The following LITAF variants were observed in gnomAD, a reference collection of about 807,000 sequenced individuals.
LITAF encodes the protein lipopolysaccharide-induced tumor necrosis factor-alpha factor.
Under a neutral mutation model 14.5 loss-of-function variants are expected in LITAF, and 9 were observed. That is an observed-to-expected ratio of 0.62 (90% confidence interval 0.37 to 1.08). The LOEUF (loss-of-function observed/expected upper bound fraction) is 1.08, where lower values mean the gene tolerates loss of function less well. LITAF is among the 50% of genes least tolerant of loss of function. The pLI is 0.01. For missense variants in LITAF, 206 were observed against 213.4 expected, an observed-to-expected ratio of 0.97 and a Z score of 0.22; for synonymous variants, 98 against 88.2, an observed-to-expected ratio of 1.11 and a Z score of -0.62.
intron 1 of LITAF, among the ~76,000 whole-genome samples, chr16:11,565,152 G>A (rs2064431330): frequency 6.7e-6 from 1 of 150,138 alleles, no homozygotes; most frequent in African/African-American, 2.5e-5. Flanking sequence ...GCACAATCTT[G>A]GCTCGCTGCA....
intron 3 of LITAF, among the ~76,000 whole-genome samples, chr16:11,628,324 A>G (rs2065096958): frequency 6.6e-6 from 1 of 152,158 alleles, no homozygotes; most frequent in South Asian, 2.1e-4. Flanking sequence ...TTTCTCTTCC[A>G]GCTAAGAGTC....
chr16:11,590,217 C>T (rs574641328), upstream of LITAF, among the ~76,000 whole-genome samples: 2 of 114,516 alleles, frequency 1.7e-5, no homozygotes, highest in East Asian at 3.0e-4. Context: ...CTGAAAACTA[C>T]AAAACATTGC....
At chr16:11,601,491 T>G (rs1219857581), upstream of LITAF, among the ~76,000 whole-genome samples, 2 of 152,210 alleles carry the variant, frequency 1.3e-5, no homozygotes, top group Non-Finnish European at 2.9e-5. Context: ...ACCAAGAATA[T>G]CCTCTTTATA....
At chr16:11,573,023 G>A (rs2064570290) in intron 1 of LITAF, among the ~76,000 whole-genome samples, 1 of 150,654 alleles carries the variant, frequency 6.6e-6, no homozygotes, top group South Asian at 2.1e-4. Context: ...CCGCCTCCCA[G>A]GTTCAAGCAA....
At position 11,549,782 on chromosome 16, in the gene LITAF, A is replaced by G. The variant is rs1567233460; in HGVS notation, c.378-37T>C. The G allele has an allele frequency of 2.0e-6, 3 of 1,519,984 alleles. No individual in the cohort carries two copies. Among genetic ancestry groups the G allele is most frequent in the Non-Finnish European group, 2.7e-6 (3 of 1,103,486 alleles). 94.2% of individuals were successfully genotyped at this position (1,519,984 alleles called of 1,614,324 possible). A position where few individuals can be genotyped will look rare whatever the true frequency, so the allele number is the denominator to read the frequency against. On this transcript the variant is annotated intron_variant, in intron 3 of 3. Coordinates refer to ENST00000622633, the MANE Select transcript of LITAF (RefSeq NM_001136472.2). The surrounding 1 kb of genome is among the most constrained non-coding windows in gnomAD (Gnocchi z 4.6). Reference sequence around the variant, plus strand: ...GAGAGACACACGGAGCGCGTTACTGATCACAACAGGGTGAACACTGGCTGC... The same window carrying G: ...GAGAGACACACGGAGCGCGTTACTGGTCACAACAGGGTGAACACTGGCTGC...
At chr16:11,603,071 A>G (rs1412395402), upstream of LITAF, among the ~76,000 whole-genome samples, 1 of 152,134 alleles carries the variant, frequency 6.6e-6, no homozygotes, top group Non-Finnish European at 1.5e-5. Context: ...CTGTGATCAC[A>G]CCACTGCATT....
upstream of LITAF, among the ~76,000 whole-genome samples, chr16:11,588,072 G>A (rs992732567): frequency 3.9e-5 from 6 of 152,184 alleles, no homozygotes; most frequent in African/African-American, 9.6e-5. Flanking sequence ...GCCACCTTGC[G>A]CCATGTCCAC....
At chr16:11,585,101 G>A (rs959352979) in intron 1 of LITAF, among the ~76,000 whole-genome samples, 7 of 151,946 alleles carry the variant, frequency 4.6e-5, no homozygotes, top group Non-Finnish European at 8.8e-5. Flanking sequence ...CCCGCTACTT[G>A]GGAGGTTGAG....
At chr16:11,594,739 G>A (rs1597364827) in intron 1 of LITAF, among the ~76,000 whole-genome samples, 1 of 152,020 alleles carries the variant, frequency 6.6e-6, no homozygotes, top group South Asian at 2.1e-4. Context: ...AGCCGGGCAT[G>A]GTGGCTCGTG....
Position 11,556,748 on chromosome 16 carries a change from CA to C in LITAF, c.-5-14del. ...ACCGACATTTTACCTAAAACAGAAA[CA>C]GAACATACCAGATAAGAAATTCAGT... On this transcript the variant is annotated splice_polypyrimidine_tract_variant and intron_variant, in intron 1 of 3. Coordinates refer to ENST00000622633, the MANE Select transcript of LITAF (RefSeq NM_001136472.2). 1 of 1,595,998 alleles carries C rather than the reference CA, an allele frequency of 6.3e-7. No homozygotes were observed. Among genetic ancestry groups the C allele is most frequent in the African/African-American group, 1.3e-5 (1 of 74,672 alleles).
chr16:11,609,060 T>C (rs1471673455), intron 3 of LITAF, among the ~76,000 whole-genome samples: 11 of 151,578 alleles, frequency 7.3e-5, no homozygotes, highest in African/African-American at 1.9e-4. Context: ...AGAAAGCGGA[T>C]TCATGGTTTT....
chr16:11,574,012 T>C (rs931028622), intron 1 of LITAF, among the ~76,000 whole-genome samples: 25 of 141,730 alleles, frequency 1.8e-4, no homozygotes, highest in African/African-American at 6.4e-4. Flanking sequence ...TTTTTTTGGT[T>C]TTTTTTTTGT....
intron 2 of LITAF, among the ~76,000 whole-genome samples, chr16:11,554,936 G>C (rs1047575354): frequency 6.6e-6 from 1 of 152,074 alleles, no homozygotes; most frequent in Non-Finnish European, 1.5e-5. Flanking sequence ...GAATTAGGGG[G>C]AAATTACTGC....
At chr16:11,630,524 C>T (rs2065111796) in intron 3 of LITAF, among the ~76,000 whole-genome samples, 1 of 151,492 alleles carries the variant, frequency 6.6e-6, no homozygotes, top group South Asian at 2.1e-4. Flanking sequence ...TCCACAGCTT[C>T]AGGTCTCTCT....
At chr16:11,551,694 T>C (rs762299505) in intron 3 of LITAF, 20 of 649,658 alleles carry the variant, frequency 3.1e-5, no homozygotes, top group South Asian at 2.3e-4. Flanking sequence ...TAGCTAGGTA[T>C]GGTGGCACAC....
rs751499505 is a variant in LITAF at position 11,605,699 on chromosome 16, G to A, written c.85+27834C>T. ...GAGGATCGCTGGAGGCCAGGAGTTC[G>A]AAGCTGCAGTGAGCTATGATTGCAC... On this transcript the variant is annotated intron_variant, in intron 3 of 3. Coordinates refer to the LITAF transcript ENST00000574848. This position sits in a 1 kb window ranked among gnomAD's most constrained non-coding sequence, Gnocchi z 4.7. Among the ~76,000 whole-genome samples, 2 of 152,174 alleles carry A rather than the reference G, an allele frequency of 1.3e-5. No homozygotes were observed. The highest frequency in any genetic ancestry group is 2.4e-5 in the African/African-American group (1 of 41,424).
upstream of LITAF, among the ~76,000 whole-genome samples, chr16:11,589,374 G>T (rs1490390918): frequency 6.6e-6 from 1 of 152,174 alleles, no homozygotes; most frequent in Admixed American, 6.5e-5. Flanking sequence ...CTAAGAACAG[G>T]AACAAGCCAA....
chr16:11,625,197 ACT>A (rs1228339032), intron 3 of LITAF, among the ~76,000 whole-genome samples: 1 of 150,874 alleles, frequency 6.6e-6, no homozygotes, highest in Non-Finnish European at 1.5e-5. Context: ...AGTGGCCGTG[ACT>A]CTCTGAAGGT....
intron 1 of LITAF, among the ~76,000 whole-genome samples, chr16:11,566,793 G>T (rs1403958826): frequency 6.7e-6 from 1 of 149,610 alleles, no homozygotes; most frequent in Non-Finnish European, 1.5e-5. Flanking sequence ...TCTACCTTGG[G>T]TTAAAAAAAA....
Sources: allele counts gnomAD v4.1 joint callset (sites outside exome capture counted in the v4.1 genomes callset), GRCh38; gene constraint gnomAD v4.1.1; non-coding constraint Gnocchi (gnomAD v3.1); transcripts MANE v1.5; gene names NCBI Gene and HGNC (gene_info 2026-07-23, HGNC 2026-07-21).